TAFA2: variants seen among roughly 807,000 people sequenced by gnomAD.
The protein encoded by TAFA2 is chemokine-like protein TAFA-2.
TAFA2 carries 7 observed loss-of-function variants against 18.8 expected under a neutral mutation model. That is an observed-to-expected ratio of 0.37 (90% CI 0.21 to 0.70). TAFA2 has a LOEUF of 0.70. TAFA2 is among the 30% of genes least tolerant of loss of function. The pLI is 0.53. For synonymous variants in TAFA2, 60 were observed against 54.2 expected, an observed-to-expected ratio of 1.11 and a Z score of -0.47; for missense variants, 122 against 158.1, an observed-to-expected ratio of 0.77 and a Z score of 1.23.
intron 2 of TAFA2, among the ~76,000 whole-genome samples, chr12:61,760,118 CAT>C (rs1487070028): frequency 3.1e-4 from 41 of 130,714 alleles, no homozygotes; most frequent in African/African-American, 1.1e-3. Context: ...AATGTAGAAA[CAT>C]GTGGTAGTTT....
chr12:61,840,281 G>A (rs1178333661), intron 2 of TAFA2, among the ~76,000 whole-genome samples: 2 of 151,974 alleles, frequency 1.3e-5, no homozygotes, highest in African/African-American at 2.4e-5. Context: ...TGTGCCTGAC[G>A]TGCCTCAGTT....
chr12:62,190,937 G>T (rs575294888), intron 1 of TAFA2, among the ~76,000 whole-genome samples: 1 of 152,176 alleles, frequency 6.6e-6, no homozygotes, highest in Non-Finnish European at 1.5e-5. Flanking sequence ...TTCAATCCTC[G>T]ACCTGGTCGT....
At chr12:61,743,177 G>A (rs1225663307) in intron 4 of TAFA2, among the ~76,000 whole-genome samples, 1 of 151,932 alleles carries the variant, frequency 6.6e-6, no homozygotes, top group Non-Finnish European at 1.5e-5. Flanking sequence ...AGTAAGATAT[G>A]ATCTTCTATT....
chr12:62,153,875 AGTTG>A (rs2062347826), intron 1 of TAFA2, among the ~76,000 whole-genome samples: 1 of 151,980 alleles, frequency 6.6e-6, no homozygotes, highest in Non-Finnish European at 1.5e-5. Flanking sequence ...ATATTGCCCA[AGTTG>A]GAGTGAGCAC....
intron 1 of TAFA2, among the ~76,000 whole-genome samples, chr12:61,955,649 A>ATATATATATG (rs1555178812): frequency 1.1e-3 from 82 of 77,496 alleles, no homozygotes; most frequent in African/African-American, 3.0e-3. Context: ...ATATATATAT[A>ATATATATATG]TATATATATA....
chr12:62,099,889 T>C (rs1869114549), intron 1 of TAFA2, among the ~76,000 whole-genome samples: 1 of 152,072 alleles, frequency 6.6e-6, no homozygotes, highest in Non-Finnish European at 1.5e-5. Flanking sequence ...TGACTCTGAG[T>C]CAGAAAAATT....
Position 62,090,227 on chromosome 12 carries a change from T to C in TAFA2, c.-2+101032A>G, listed in dbSNP as rs149410479. 1.1e-3 allele frequency among the ~76,000 whole-genome samples: 160 copies of C among 152,216 alleles called. No individual in the cohort carries two copies. The Middle Eastern group carries it at 0.02, about 19-fold the overall frequency. ...CCAGCAGAGTTAAACTCTTGGGGAC[T>C]TTCTTCAAGAATTTCAATTAATGGA... On this transcript the variant is annotated intron_variant, in intron 1 of 4. Coordinates refer to ENST00000416284, the MANE Select transcript of TAFA2 (RefSeq NM_178539.5).
chr12:62,041,065 C>T (rs1881744369), intron 1 of TAFA2, among the ~76,000 whole-genome samples: 1 of 152,100 alleles, frequency 6.6e-6, no homozygotes, highest in Admixed American at 6.5e-5. Flanking sequence ...GTTCTCAAAA[C>T]AATCTGATGA....
At chr12:61,921,915 G>A (rs1877069820) in intron 1 of TAFA2, among the ~76,000 whole-genome samples, 1 of 152,260 alleles carries the variant, frequency 6.6e-6, no homozygotes, top group East Asian at 1.9e-4. Flanking sequence ...AGAATGTGGT[G>A]TCCTTCAAGT....
intron 1 of TAFA2, among the ~76,000 whole-genome samples, chr12:62,104,550 CATT>C (rs1423756411): frequency 6.6e-6 from 1 of 152,142 alleles, no homozygotes; most frequent in East Asian, 1.9e-4. Context: ...ATTGAATAAG[CATT>C]AAACCAAAAT....
Position 61,876,346 on chromosome 12 carries a change from A to T in TAFA2, c.-1-8920T>A, listed in dbSNP as rs767810975. Reference sequence around the variant, plus strand: ...AAAAGTGAGTGAGAACAACGAAAACAATCTTTAAGAGTTCTTTGTTAGGAT... The same window carrying T: ...AAAAGTGAGTGAGAACAACGAAAACTATCTTTAAGAGTTCTTTGTTAGGAT... On this transcript the variant is annotated intron_variant, in intron 1 of 4. Coordinates refer to ENST00000416284, the MANE Select transcript of TAFA2 (RefSeq NM_178539.5). Among the ~76,000 whole-genome samples the T allele has an allele frequency of 1.1e-4, 16 of 152,174 alleles. 1 individual carries two copies. The highest frequency in any genetic ancestry group is 2.4e-4 in the Non-Finnish European group (16 of 67,998).
chr12:61,778,288 T>C (rs1870357593), intron 2 of TAFA2, among the ~76,000 whole-genome samples: 1 of 151,822 alleles, frequency 6.6e-6, no homozygotes, highest in South Asian at 2.1e-4. Flanking sequence ...GCAAGGAAGC[T>C]GCCAAGAAAA....
chr12:62,002,058 C>T (rs964019702), intron 1 of TAFA2, among the ~76,000 whole-genome samples: 1 of 152,168 alleles, frequency 6.6e-6, no homozygotes, highest in Non-Finnish European at 1.5e-5. Flanking sequence ...GGAACCACAT[C>T]GCTTGTCCCC....
chr12:62,150,351 A>C (rs2062319282), intron 1 of TAFA2, among the ~76,000 whole-genome samples: 1 of 152,230 alleles, frequency 6.6e-6, no homozygotes, highest in African/African-American at 2.4e-5. Flanking sequence ...AGATACAAGT[A>C]AATAAAATAA....
chr12:62,209,038 T>C (rs376640698), intron 1 of TAFA2, among the ~76,000 whole-genome samples: 1 of 152,200 alleles, frequency 6.6e-6, no homozygotes, highest in Non-Finnish European at 1.5e-5. Context: ...AATTTCTTTT[T>C]GCCCTCTTTC....
chr12:61,832,666 G>A (rs757536341), intron 2 of TAFA2, among the ~76,000 whole-genome samples: 7 of 152,058 alleles, frequency 4.6e-5, no homozygotes, highest in Admixed American at 6.6e-5. Context: ...GCCATATCCA[G>A]TGTCCTTGAC....
intron 4 of TAFA2, among the ~76,000 whole-genome samples, chr12:61,742,241 T>G (rs1222066722): frequency 6.6e-6 from 1 of 152,150 alleles, no homozygotes; most frequent in Non-Finnish European, 1.5e-5. Context: ...GCATTCTGTT[T>G]TAAATGGATG....
chr12:62,058,907 T>C (rs1303525790), intron 1 of TAFA2, among the ~76,000 whole-genome samples: 1 of 152,044 alleles, frequency 6.6e-6, no homozygotes, highest in Non-Finnish European at 1.5e-5. Context: ...ATCGAGACTA[T>C]CCTGGCTAAC....
At chr12:61,716,459 A>G (rs1173698405) in intron 4 of TAFA2, among the ~76,000 whole-genome samples, 1 of 152,076 alleles carries the variant, frequency 6.6e-6, no homozygotes, top group African/African-American at 2.4e-5. Context: ...TTTGAGTTCT[A>G]CCCTATATCC....
Sources: allele counts gnomAD v4.1 joint callset (sites outside exome capture counted in the v4.1 genomes callset), GRCh38; gene constraint gnomAD v4.1.1; transcripts MANE v1.5; gene names NCBI Gene and HGNC (gene_info 2026-07-23, HGNC 2026-07-21).